The following UBL3 variants were observed in gnomAD, a reference collection of about 807,000 sequenced individuals.
UBL3 encodes the protein ubiquitin-like protein 3.
Under a neutral mutation model 18.4 loss-of-function variants are expected in UBL3, and 6 were observed. That is an observed-to-expected ratio of 0.33 (90% CI 0.18 to 0.64). UBL3 has a LOEUF of 0.64. UBL3 is among the 30% of genes least tolerant of loss of function. The pLI is 0.76. For synonymous variants in UBL3, 49 were observed against 46.6 expected, an observed-to-expected ratio of 1.05 and a Z score of -0.21; for missense variants, 109 against 142.9, an observed-to-expected ratio of 0.76 and a Z score of 1.21.
chr13:29,847,100 CATGTT>C (rs376081230), intron 1 of UBL3, among the ~76,000 whole-genome samples: 10 of 152,154 alleles, frequency 6.6e-5, no homozygotes, highest in African/African-American at 1.9e-4. Flanking sequence ...CAGTATTTGT[CATGTT>C]ATATTTCAAA....
chr13:29,841,558 GATA>G (rs1382733203), intron 1 of UBL3, among the ~76,000 whole-genome samples: 2 of 152,124 alleles, frequency 1.3e-5, no homozygotes. Context: ...TTATTACAAA[GATA>G]TATGAAGTAG....
chr13:29,783,095 TAGTATGTAGAACAG>T (rs2139317297), intron 1 of UBL3, among the ~76,000 whole-genome samples: 1 of 152,342 alleles, frequency 6.6e-6, no homozygotes, highest in East Asian at 1.9e-4. Context: ...ATGAGTGGCA[TAGTATGTAGAACAG>T]GAATGGATAA....
rs1300238385 is a variant in UBL3 at position 29,849,587 on chromosome 13, A to C, written c.-49T>G. On this transcript the variant is annotated 5_prime_UTR_variant, in exon 1 of 5. Transcript: ENST00000380680. ...ATGTTTACGAAAAAAACAAACAAAG[A>C]AAAAAGAGCAGAAGTCTTCACGTTA... 1.2e-6 allele frequency: 2 copies of C among 1,609,222 alleles called. No homozygotes were observed. Among genetic ancestry groups the C allele is most frequent in the East Asian group, 4.5e-5 (2 of 44,866 alleles).
chr13:29,782,880 C>CA (rs1208777765), intron 1 of UBL3, among the ~76,000 whole-genome samples: 1 of 152,148 alleles, frequency 6.6e-6, no homozygotes, highest in East Asian at 1.9e-4. Context: ...ACAATAAACC[C>CA]ACAGCACTGC....
intron 1 of UBL3, among the ~76,000 whole-genome samples, chr13:29,803,084 C>T (rs1378262163): frequency 6.6e-6 from 1 of 151,970 alleles, no homozygotes; most frequent in Non-Finnish European, 1.5e-5. Flanking sequence ...ACAAATCATT[C>T]ACTTATACAA....
At chr13:29,823,750 T>C (rs1878540181) in intron 1 of UBL3, among the ~76,000 whole-genome samples, 1 of 152,168 alleles carries the variant, frequency 6.6e-6, no homozygotes, top group African/African-American at 2.4e-5. Context: ...CTAGGGTACA[T>C]GCGCACAATG....
chr13:29,821,826 C>T (rs1287960993), intron 1 of UBL3, among the ~76,000 whole-genome samples: 1 of 152,150 alleles, frequency 6.6e-6, no homozygotes, highest in Non-Finnish European at 1.5e-5. Flanking sequence ...TCTGACTGCA[C>T]ATAAATCCCC....
chr13:29,842,354 T>G (rs1279435321), intron 1 of UBL3, among the ~76,000 whole-genome samples: 5 of 152,060 alleles, frequency 3.3e-5, no homozygotes, highest in Admixed American at 1.3e-4. Flanking sequence ...GATGGGGGTT[T>G]CACCATGTTG....
chr13:29,824,732 T>C, intron 1 of UBL3, among the ~76,000 whole-genome samples: 1 of 152,238 alleles, frequency 6.6e-6, no homozygotes, highest in Non-Finnish European at 1.5e-5. Flanking sequence ...TTGTGAATTT[T>C]GGCTTTTGTT....
In UBL3 at chr13:29,829,572, C is replaced by G. The variant is rs567250141; in HGVS notation, c.27+19940G>C. Among the ~76,000 whole-genome samples the G allele has an allele frequency of 1.6e-4, 25 of 152,266 alleles. No homozygotes were observed. The East Asian group carries it at 4.4e-3, about 27-fold the overall frequency. On this transcript the variant is annotated intron_variant, in intron 1 of 4. Coordinates refer to ENST00000380680, the MANE Select transcript of UBL3 (RefSeq NM_007106.4). ...ATTAGGGTGGGAGTGACCCAATTTCCCAGGTGCCATCTGTCACAGCTTCCC... is the reference window on the plus strand; with the variant it reads ...ATTAGGGTGGGAGTGACCCAATTTCGCAGGTGCCATCTGTCACAGCTTCCC...
chr13:29,842,047 T>A (rs752337471), intron 1 of UBL3, among the ~76,000 whole-genome samples: 1 of 151,156 alleles, frequency 6.6e-6, no homozygotes, highest in South Asian at 2.1e-4. Context: ...CTAACCCACC[T>A]CCAGTTGATG....
chr13:29,793,148 C>T lies in UBL3; in HGVS notation c.28-15885G>A, dbSNP rs190239040. Among the ~76,000 whole-genome samples, 42 of 151,848 alleles carry T rather than the reference C, an allele frequency of 2.8e-4. No homozygotes were observed. The Middle Eastern group carries it at 0.014, about 50-fold the overall frequency. ...AAGAGAACTATAGAATAGTAAAGCG[C>T]AAATTAAAATTGAAAGGAAAAATTT... On this transcript the variant is annotated intron_variant, in intron 1 of 4. Coordinates refer to ENST00000380680, the MANE Select transcript of UBL3 (RefSeq NM_007106.4).
intron 1 of UBL3, among the ~76,000 whole-genome samples, chr13:29,846,632 T>C (rs1484224264): frequency 6.6e-6 from 1 of 152,196 alleles, no homozygotes; most frequent in African/African-American, 2.4e-5. Context: ...TCAATTGATT[T>C]AGCAATTATT....
chr13:29,833,287 G>A (rs537038608), intron 1 of UBL3, among the ~76,000 whole-genome samples: 5 of 152,280 alleles, frequency 3.3e-5, no homozygotes, highest in African/African-American at 9.6e-5. Context: ...ATGGAGATCG[G>A]GTTAAAAAGT....
In UBL3 at chr13:29,777,230, T is replaced by C; in HGVS notation, c.61A>G (p.Thr21Ala). The change falls in exon 2 of 5, where the codon ACA becomes GCA. Residue 21 changes from threonine to alanine, a missense_variant. By Grantham distance (58) the Thr-to-Ala change is moderately conservative. Coordinates refer to ENST00000380680, the MANE Select transcript of UBL3 (RefSeq NM_007106.4). Reference sequence around the variant, plus strand: ...TTAGGAGAAAACAGGAACTCTTTTGTTTTTCCGCTTACCAAAATGAGGCGC... The same window carrying C: ...TTAGGAGAAAACAGGAACTCTTTTGCTTTTCCGCTTACCAAAATGAGGCGC... ...NLRLILVSGK[T>A]KEFLFSPNDS... The C allele has an allele frequency of 6.2e-7, 1 of 1,610,174 alleles. No individual in the cohort carries two copies.
intron 1 of UBL3, among the ~76,000 whole-genome samples, chr13:29,840,320 G>C (rs934298785): frequency 6.6e-6 from 1 of 152,102 alleles, no homozygotes; most frequent in Non-Finnish European, 1.5e-5. Flanking sequence ...AATATGAATA[G>C]CTTTTTATGT....
chr13:29,793,357 T>C (rs1396764708), intron 1 of UBL3, among the ~76,000 whole-genome samples: 2 of 152,180 alleles, frequency 1.3e-5, no homozygotes, highest in Non-Finnish European at 2.9e-5. Context: ...CAAGAACTAA[T>C]GGATCCCTGG....
At chr13:29,781,064 A>G (rs1325002108) in intron 1 of UBL3, among the ~76,000 whole-genome samples, 1 of 152,120 alleles carries the variant, frequency 6.6e-6, no homozygotes, top group African/African-American at 2.4e-5. Context: ...AGTCCCGGCT[A>G]CTTGGGAGGC....
intron 1 of UBL3, among the ~76,000 whole-genome samples, chr13:29,792,735 G>C (rs1309083015): frequency 1.3e-5 from 2 of 152,206 alleles, no homozygotes; most frequent in African/African-American, 2.4e-5. Context: ...TTTATTAATA[G>C]TTATTAATTA....
Sources: gnomAD v4.1 joint callset for allele counts (sites outside exome capture counted in the v4.1 genomes callset) on GRCh38, gnomAD v4.1.1 for gene constraint, MANE v1.5 for transcripts, NCBI Gene and HGNC (gene_info 2026-07-23, HGNC 2026-07-21) for gene names.